Variants in CSMD3 observed in about 807,000 individuals in gnomAD.
CSMD3 encodes the protein CUB and Sushi multiple domains 3, also known as CUB and sushi domain-containing protein 3.
Under a neutral mutation model 435.2 loss-of-function variants are expected in CSMD3, and 177 were observed. The observed-to-expected ratio is 0.41, with a 90% CI of 0.36 to 0.46. CSMD3 has a LOEUF of 0.46. Among genes scored for constraint, CSMD3 ranks in the 20% least tolerant of loss-of-function variants. The pLI, the probability that CSMD3 is intolerant of heterozygous loss-of-function variation, is 0.34. For synonymous variants in CSMD3, 1,656 were observed against 1,520.5 expected, an observed-to-expected ratio of 1.09 and a Z score of -2.07; for missense variants, 4,265 against 4,504.6, an observed-to-expected ratio of 0.95 and a Z score of 1.52.
At chr8:113,157,989 T>C (rs368585701) in intron 4 of CSMD3, among the ~76,000 whole-genome samples, 4 of 152,092 alleles carry the variant, frequency 2.6e-5, no homozygotes, top group African/African-American at 9.6e-5. Flanking sequence ...CCTTTCATCA[T>C]GAAGAATTTT....
At chr8:112,468,093 ACAATATTTCATGTGAATATTT>A (rs1469473367) in intron 32 of CSMD3, among the ~76,000 whole-genome samples, 7 of 152,224 alleles carry the variant, frequency 4.6e-5, no homozygotes, top group Non-Finnish European at 7.3e-5. Flanking sequence ...GATAATTCCA[ACAATATTTCATGTGAATATTT>A]CAATATTTCA....
rs1355562246 is a variant in CSMD3 at position 113,244,775 on chromosome 8, T to G, written c.514+33817A>C. ...TATCTGGACTGGTTTTTTTCTTGTG[T>G]TTTTGAGTGGAGTGTTCTGTGAATA... On this transcript the variant is annotated intron_variant, in intron 3 of 70. Coordinates refer to ENST00000297405, the MANE Select transcript of CSMD3 (RefSeq NM_198123.2). 3.3e-5 allele frequency among the ~76,000 whole-genome samples: 5 copies of G among 152,246 alleles called. No individual in the cohort carries two copies. The East Asian group carries it at 9.7e-4, about 29-fold the overall frequency.
At chr8:113,222,354 AG>A (rs968176521) in intron 3 of CSMD3, among the ~76,000 whole-genome samples, 240 of 151,124 alleles carry the variant, frequency 1.6e-3, no homozygotes, top group African/African-American at 5.6e-3. Context: ...TGTATAAAAA[AG>A]AAGAGTCTTT....
At chr8:112,511,028 G>A (rs1823063512) in intron 28 of CSMD3, among the ~76,000 whole-genome samples, 1 of 152,096 alleles carries the variant, frequency 6.6e-6, no homozygotes, top group South Asian at 2.1e-4. Context: ...AAGTATAATA[G>A]CAAATGCGTA....
intron 38 of CSMD3, among the ~76,000 whole-genome samples, chr8:112,374,929 G>A (rs1032558122): frequency 1.3e-5 from 2 of 152,142 alleles, no homozygotes; most frequent in Non-Finnish European, 2.9e-5. Flanking sequence ...TGAACCCAAA[G>A]CATCGCTTTG....
At chr8:112,389,731 A>G (rs1440235488) in intron 36 of CSMD3, among the ~76,000 whole-genome samples, 1 of 152,212 alleles carries the variant, frequency 6.6e-6, no homozygotes, top group Non-Finnish European at 1.5e-5. Flanking sequence ...GAAAAACTCT[A>G]CAAATCAATT....
At chr8:112,545,254 C>T (rs184013492) in intron 27 of CSMD3, among the ~76,000 whole-genome samples, 9 of 152,056 alleles carry the variant, frequency 5.9e-5, no homozygotes, top group East Asian at 5.8e-4. Context: ...GGTGCTGAGG[C>T]GGGCGGATCA....
At chr8:113,348,501 C>T (rs2094166989) in intron 1 of CSMD3, among the ~76,000 whole-genome samples, 1 of 151,992 alleles carries the variant, frequency 6.6e-6, no homozygotes, top group Admixed American at 6.6e-5. Flanking sequence ...CTAGGAAACC[C>T]AGCTTTGAGA....
At chr8:113,112,450 T>TAC (rs1564328986) in intron 4 of CSMD3, among the ~76,000 whole-genome samples, 32 of 19,658 alleles carry the variant, frequency 1.6e-3, no homozygotes, top group Non-Finnish European at 2.2e-3. Context: ...TATATATATG[T>TAC]ATATACACAC....
chr8:112,912,196 C>A (rs2082440441), intron 10 of CSMD3, among the ~76,000 whole-genome samples: 1 of 150,896 alleles, frequency 6.6e-6, no homozygotes, highest in African/African-American at 2.4e-5. Flanking sequence ...ATCTTGGCTA[C>A]TGTGAATAAT....
chr8:112,511,637 G>T (rs181515509), intron 28 of CSMD3, among the ~76,000 whole-genome samples: 48 of 152,046 alleles, frequency 3.2e-4, no homozygotes, highest in African/African-American at 1.1e-3. Context: ...TGATCCGCTC[G>T]TCTCGGCCTC....
intron 4 of CSMD3, among the ~76,000 whole-genome samples, chr8:113,171,912 G>A (rs1184417001): frequency 6.6e-6 from 1 of 152,176 alleles, no homozygotes; most frequent in East Asian, 1.9e-4. Flanking sequence ...TTGAGAGACG[G>A]AGATAGTGCT....
intron 9 of CSMD3, 133 bp from the exon 10 acceptor site, chr8:112,921,884 T>A: frequency 1.4e-6 from 1 of 703,452 alleles, no homozygotes; most frequent in Non-Finnish European, 2.5e-6. Flanking sequence ...AAACAAAATG[T>A]GAAAGTATGA....
intron 38 of CSMD3, among the ~76,000 whole-genome samples, chr8:112,378,640 G>T (rs1347522193): frequency 1.3e-5 from 2 of 152,140 alleles, no homozygotes; most frequent in Non-Finnish European, 2.9e-5. Flanking sequence ...GTAGAATGAT[G>T]ATTACCAGAG....
intron 1 of CSMD3, among the ~76,000 whole-genome samples, chr8:113,364,961 T>G (rs1159878433): frequency 6.6e-6 from 1 of 152,084 alleles, no homozygotes; most frequent in Non-Finnish European, 1.5e-5. Flanking sequence ...TGAGAATGTA[T>G]AGTACACCAG....
At chr8:112,457,196 C>T (rs1217167838) in intron 32 of CSMD3, among the ~76,000 whole-genome samples, 1 of 151,926 alleles carries the variant, frequency 6.6e-6, no homozygotes, top group African/African-American at 2.4e-5. Flanking sequence ...GAGGTGTGGG[C>T]ATTAATATTG....
intron 10 of CSMD3, among the ~76,000 whole-genome samples, chr8:112,900,988 C>G (rs2082096522): frequency 1.3e-5 from 2 of 151,232 alleles, no homozygotes; most frequent in African/African-American, 4.8e-5. Context: ...CAGTCAGTCT[C>G]AGGTGCACAC....
intron 9 of CSMD3, among the ~76,000 whole-genome samples, chr8:112,932,907 T>A (rs2083160478): frequency 6.6e-6 from 1 of 152,160 alleles, no homozygotes; most frequent in Non-Finnish European, 1.5e-5. Context: ...CCTGATTTGA[T>A]CATTACACAT....
chr8:112,600,444 C>T (rs1343131848), intron 22 of CSMD3, among the ~76,000 whole-genome samples: 1 of 152,128 alleles, frequency 6.6e-6, no homozygotes, highest in East Asian at 1.9e-4. Context: ...TCATTTAACG[C>T]AACCGATAAG....
Sources: gnomAD v4.1 joint callset for allele counts (sites outside exome capture counted in the v4.1 genomes callset) on GRCh38, gnomAD v4.1.1 for gene constraint, MANE v1.5 for transcripts, NCBI Gene and HGNC (gene_info 2026-07-23, HGNC 2026-07-21) for gene names.